CTPS2: variants seen among roughly 807,000 people sequenced by gnomAD.
CTPS2 encodes CTP synthase 2.
A neutral mutation model predicts 46.8 loss-of-function variants in CTPS2; 19 were observed. The ratio of observed to expected loss-of-function variants is 0.41; its 90% CI spans 0.28 to 0.60. CTPS2 has a LOEUF of 0.60. CTPS2 is among the 20% of genes least tolerant of loss of function. The probability of loss-of-function intolerance (pLI) is 0.35; values close to 1 mark genes in which losing one functional copy is unlikely to be tolerated. For synonymous variants in CTPS2, 151 were observed against 165.2 expected (o/e 0.91, Z 0.66); for missense variants, 286 against 447.6 (o/e 0.64, Z 3.26).
At chrX:16,643,755 A>G (rs113105808) in intron 13 of CTPS2, among the ~76,000 whole-genome samples, 1 of 110,977 alleles carries the variant, frequency 9.0e-6, no homozygotes, top group African/African-American at 3.3e-5. Context: ...AGGAGCCCAG[A>G]CTAGCCATGC....
chrX:16,675,513 G>T (rs1219983512), intron 10 of CTPS2, among the ~76,000 whole-genome samples: 1 of 111,878 alleles, frequency 8.9e-6, no homozygotes, highest in Non-Finnish European at 1.9e-5. Context: ...ATATGTTATT[G>T]TATGTGTTCC....
At chrX:16,673,177 C>T (rs1419003934) in intron 10 of CTPS2, among the ~76,000 whole-genome samples, 1 of 110,839 alleles carries the variant, frequency 9.0e-6, no homozygotes, top group African/African-American at 3.3e-5. Context: ...TGAGCCACCG[C>T]GCCCGGCCGA....
intron 10 of CTPS2, 136 bp downstream of exon 10, chrX:16,678,226 A>G (rs747728540): frequency 5.9e-6 from 3 of 506,567 alleles, no homozygotes; most frequent in Admixed American, 2.9e-5. Context: ...TCGTGGAACA[A>G]TCACCTGCAA....
At chrX:16,676,416 A>G in intron 10 of CTPS2, among the ~76,000 whole-genome samples, 1 of 112,076 alleles carries the variant, frequency 8.9e-6, no homozygotes. Context: ...ATTTGAGGGT[A>G]CAAACCCATG....
chrX:16,624,163 A>G (rs1409054326), intron 14 of CTPS2, among the ~76,000 whole-genome samples: 1 of 111,171 alleles, frequency 9.0e-6, no homozygotes, highest in Non-Finnish European at 1.9e-5. Flanking sequence ...GAATGAAATC[A>G]ACATACAACA....
intron 4 of CTPS2, among the ~76,000 whole-genome samples, chrX:16,694,910 G>A (rs1055270295): frequency 3.6e-5 from 4 of 111,438 alleles, no homozygotes; most frequent in Non-Finnish European, 5.7e-5. Context: ...TGGGAGGATC[G>A]CTTGAGCCTG....
chrX:16,607,134 A>G (rs1031558738), intron 17 of CTPS2, among the ~76,000 whole-genome samples: 16 of 113,131 alleles, frequency 1.4e-4, no homozygotes, highest in African/African-American at 5.1e-4. Flanking sequence ...CACACGAGCC[A>G]GACAGGATTT....
At chrX:16,618,330 T>G (rs897998261) in intron 15 of CTPS2, among the ~76,000 whole-genome samples, 5 of 112,566 alleles carry the variant, frequency 4.4e-5, no homozygotes, top group African/African-American at 1.6e-4. Context: ...CACATTTTGC[T>G]TATCTATTCG....
chrX:16,674,266 C>T (rs755657038), intron 10 of CTPS2, among the ~76,000 whole-genome samples: 17 of 110,819 alleles, frequency 1.5e-4, no homozygotes, highest in African/African-American at 4.9e-4. Context: ...TGGGTTCAAA[C>T]GATTCTCCTG....
At chrX:16,683,024 C>T in intron 9 of CTPS2, 70 bp downstream of exon 9, 1 of 1,160,548 alleles carries the variant, frequency 8.6e-7, no homozygotes, top group Middle Eastern at 2.5e-4. Context: ...TTTAACAAAA[C>T]TTGCCCCTCT....
At chrX:16,619,335 G>A in intron 15 of CTPS2, among the ~76,000 whole-genome samples, 1 of 111,908 alleles carries the variant, frequency 8.9e-6, no homozygotes, top group East Asian at 2.8e-4. Context: ...GATGAATATT[G>A]CAAGAACCCA....
chrX:16,689,460 T>C lies in CTPS2; in HGVS notation c.862A>G (p.Met288Val), dbSNP rs1923514468. 1 of 1,210,204 alleles carries C rather than the reference T, an allele frequency of 8.3e-7. No individual in the cohort carries two copies. The highest frequency in any genetic ancestry group is 1.1e-6 in the Non-Finnish European group (1 of 894,800). ...ATTCCTTTCGCTTACCTGTCAGCCA[T>C]ATTTCTCCACTTAAAAAGCAAATTA... Reference protein sequence around the residue: ...ASNLLFKWRNMADRYERLQKI... With the variant: ...ASNLLFKWRNVADRYERLQKI... The change falls in exon 8 of 19, where the codon ATG becomes GTG. Residue 288 changes from methionine (M) to valine (V), a missense_variant. Transcript: ENST00000359276.
At chrX:16,651,275 C>T (rs1932616680) in intron 13 of CTPS2, 1 of 578,671 alleles carries the variant, frequency 1.7e-6, no homozygotes, top group South Asian at 3.4e-5. Flanking sequence ...GTTTCTTCCC[C>T]TTAAGTCAGG....
chrX:16,696,987 C>T (rs756789066), intron 4 of CTPS2, among the ~76,000 whole-genome samples: 3 of 111,213 alleles, frequency 2.7e-5, no homozygotes, highest in Non-Finnish European at 5.6e-5. Flanking sequence ...AAAAGTCATA[C>T]AGGCATCTTA....
chrX:16,588,037 A>T lies in CTPS2; in HGVS notation c.*1780T>A, dbSNP rs904354888. ...ATACAATGGAATTTTATTCAGCCAT[A>T]GAAAGGAATGAAATTCTGACACATG... On this transcript the variant is annotated 3_prime_UTR_variant, in exon 19 of 19. Coordinates refer to ENST00000359276, the MANE Select transcript of CTPS2 (RefSeq NM_175859.3). 8.9e-5 allele frequency: 10 copies of T among 112,201 alleles called. No individual in the cohort carries two copies. The highest frequency in any genetic ancestry group is 3.2e-4 in the African/African-American group (10 of 30,879). 9.2% of individuals were successfully genotyped at this position (112,201 alleles called of 1,213,427 possible). A position where few individuals can be genotyped will look rare whatever the true frequency, so the allele number is the denominator to read the frequency against.
chrX:16,693,527 A>C, intron 4 of CTPS2, 40 bp from the exon 5 acceptor site: 1 of 870,818 alleles, frequency 1.1e-6, no homozygotes, highest in African/African-American at 2.0e-5. Context: ...ACAAATGACC[A>C]CACATCTCCC....
At chrX:16,665,598 G>A (rs986010491) in intron 13 of CTPS2, among the ~76,000 whole-genome samples, 2 of 111,946 alleles carry the variant, frequency 1.8e-5, no homozygotes, top group Admixed American at 1.9e-4. Context: ...GTAGACTAAT[G>A]GTTGCCTGGG....
intron 17 of CTPS2, among the ~76,000 whole-genome samples, chrX:16,591,401 A>G (rs1242907260): frequency 2.7e-5 from 3 of 111,407 alleles, no homozygotes; most frequent in African/African-American, 6.5e-5. Flanking sequence ...TTGTTCTTCA[A>G]TGTAATAACA....
At chrX:16,603,206 G>A (rs113466824) in intron 17 of CTPS2, among the ~76,000 whole-genome samples, 2,813 of 110,646 alleles carry the variant, frequency 0.025, 99 homozygotes, top group African/African-American at 0.087. Flanking sequence ...CACGAGGTCA[G>A]GAGTTCAAGA....
Sources: gnomAD v4.1 joint callset for allele counts (sites outside exome capture counted in the v4.1 genomes callset) on GRCh38, gnomAD v4.1.1 for gene constraint, MANE v1.5 for transcripts, NCBI Gene and HGNC (gene_info 2026-07-23, HGNC 2026-07-21) for gene names.